The following RBFOX1 variants were observed in gnomAD, a reference collection of about 807,000 sequenced individuals.
RBFOX1 encodes the protein RNA binding protein fox-1 homolog 1.
In RBFOX1, 8 loss-of-function variants were observed where a neutral mutation model predicts 57.7. That is an observed-to-expected ratio of 0.14 (90% CI 0.08 to 0.25). The LOEUF is 0.25. Among genes scored for constraint, RBFOX1 ranks in the 10% least tolerant of loss-of-function variants. The probability of loss-of-function intolerance (pLI) is 1.00; values close to 1 mark genes in which losing one functional copy is unlikely to be tolerated. For synonymous variants in RBFOX1, 326 were observed against 222.4 expected, an observed-to-expected ratio of 1.47 and a Z score of -4.15; for missense variants, 611 against 548.5, an observed-to-expected ratio of 1.11 and a Z score of -1.14.
intron 2 of RBFOX1, among the ~76,000 whole-genome samples, chr16:6,618,580 C>T (rs1232468321): frequency 1.3e-5 from 2 of 152,136 alleles, no homozygotes; most frequent in Non-Finnish European, 2.9e-5. Context: ...ATACTCGTTT[C>T]GAGGAGGAGA....
intron 4 of RBFOX1, among the ~76,000 whole-genome samples, chr16:7,433,824 C>G (rs185996122): frequency 6.6e-6 from 1 of 152,160 alleles, no homozygotes; most frequent in Admixed American, 6.5e-5. Context: ...TCTAAAAATA[C>G]TTATTTAACA....
chr16:6,746,702 T>C (rs138077167), intron 3 of RBFOX1, among the ~76,000 whole-genome samples: 61 of 152,218 alleles, frequency 4.0e-4, no homozygotes, highest in Admixed American at 5.2e-4. Flanking sequence ...AGTGTTGTCT[T>C]ATTAATCCTT....
At chr16:6,476,135 C>T (rs1357059844) in intron 2 of RBFOX1, among the ~76,000 whole-genome samples, 2 of 152,138 alleles carry the variant, frequency 1.3e-5, no homozygotes, top group Admixed American at 1.3e-4. Context: ...AGGGACGCCA[C>T]CCTTTTCTTA....
At position 5,410,022 on chromosome 16, in the gene RBFOX1, T is replaced by G. The variant is rs923206358; in HGVS notation, c.220-57194T>G. 1.5e-4 allele frequency among the ~76,000 whole-genome samples: 22 copies of G among 145,880 alleles called. 1 individual carries two copies. The highest frequency in any genetic ancestry group is 5.6e-4 in the African/African-American group (22 of 39,038). ...GAGATCACGCCAGTGCACTTCAGCC[T>G]GGGTGACAGAGCAAGACTCCATCTC... On this transcript the variant is annotated intron_variant, in intron 1 of 2. Transcript: ENST00000585867.
chr16:5,501,432 C>T (rs968091285), intron 2 of RBFOX1, among the ~76,000 whole-genome samples: 1 of 151,862 alleles, frequency 6.6e-6, no homozygotes, highest in Non-Finnish European at 1.5e-5. Flanking sequence ...ATGCGGACGC[C>T]CTGTCGATCT....
intron 7 of RBFOX1, among the ~76,000 whole-genome samples, chr16:7,591,993 A>C (rs1481335037): frequency 3.3e-5 from 5 of 151,610 alleles, no homozygotes; most frequent in Non-Finnish European, 7.4e-5. Context: ...TTACATTGCA[A>C]CCCTCAGGTG....
intron 2 of RBFOX1, among the ~76,000 whole-genome samples, chr16:6,576,220 G>A (rs8053718): frequency 0.95 from 144,607 of 152,226 alleles, 68,785 homozygotes; most frequent in East Asian, 1. Flanking sequence ...GGTGGAGCCT[G>A]TCGTAGCATC....
chr16:7,563,125 T>G (rs1226408788), intron 5 of RBFOX1, among the ~76,000 whole-genome samples: 1 of 152,198 alleles, frequency 6.6e-6, no homozygotes, highest in Non-Finnish European at 1.5e-5. Context: ...ATTAGAATCC[T>G]CTTGTCTGAG....
At chr16:7,126,903 G>A (rs1245197638) in intron 4 of RBFOX1, among the ~76,000 whole-genome samples, 1 of 151,890 alleles carries the variant, frequency 6.6e-6, no homozygotes, top group Non-Finnish European at 1.5e-5. Context: ...CAGCTACTTG[G>A]GAGGCTGAGG....
At chr16:5,998,278 A>C (rs2060524730) in intron 4 of RBFOX1, among the ~76,000 whole-genome samples, 1 of 152,240 alleles carries the variant, frequency 6.6e-6, no homozygotes, top group Non-Finnish European at 1.5e-5. Context: ...ATAGTCTCTG[A>C]TATTCTCAAC....
chr16:5,903,555 CAG>C (rs1178232017), intron 4 of RBFOX1, among the ~76,000 whole-genome samples: 1 of 152,164 alleles, frequency 6.6e-6, no homozygotes, highest in Admixed American at 6.5e-5. Flanking sequence ...AGGAGACAGG[CAG>C]GGGCCAGCCA....
chr16:5,434,364 C>G (rs974465027), intron 1 of RBFOX1, among the ~76,000 whole-genome samples: 1 of 118,800 alleles, frequency 8.4e-6, no homozygotes, highest in Admixed American at 1.1e-4. Context: ...CTATGTTACC[C>G]AGGCTGGAGT....
intron 3 of RBFOX1, among the ~76,000 whole-genome samples, chr16:5,656,805 G>A (rs2049445535): frequency 6.6e-6 from 1 of 151,942 alleles, no homozygotes; most frequent in Non-Finnish European, 1.5e-5. Context: ...ATCATTGATG[G>A]GCGTTTGGGT....
intron 4 of RBFOX1, among the ~76,000 whole-genome samples, chr16:7,424,201 G>C (rs2098581799): frequency 6.6e-6 from 1 of 151,822 alleles, no homozygotes; most frequent in Non-Finnish European, 1.5e-5. Context: ...TAAAAGAAGT[G>C]CTCAAATAGG....
chr16:5,763,196 C>G (rs1425418928), intron 3 of RBFOX1, among the ~76,000 whole-genome samples: 1 of 152,136 alleles, frequency 6.6e-6, no homozygotes, highest in Non-Finnish European at 1.5e-5. Flanking sequence ...GCCTTCCTTC[C>G]CCGCTGTTGG....
At chr16:7,460,437 AT>A (rs1371684183) in intron 4 of RBFOX1, among the ~76,000 whole-genome samples, 3 of 134,986 alleles carry the variant, frequency 2.2e-5, no homozygotes, top group Non-Finnish European at 4.7e-5. Context: ...ATGTGTGTGT[AT>A]ATATGTATGT....
At chr16:7,472,989 G>C (rs1288679175) in intron 4 of RBFOX1, among the ~76,000 whole-genome samples, 1 of 117,808 alleles carries the variant, frequency 8.5e-6, no homozygotes, top group Non-Finnish European at 2.0e-5. Flanking sequence ...ATGTCAGCAA[G>C]CTCTCCATTC....
At chr16:5,972,094 C>T (rs2059972492) in intron 4 of RBFOX1, among the ~76,000 whole-genome samples, 1 of 152,194 alleles carries the variant, frequency 6.6e-6, no homozygotes, top group African/African-American at 2.4e-5. Flanking sequence ...CACCACCATT[C>T]ATTCTCCTGG....
intron 2 of RBFOX1, among the ~76,000 whole-genome samples, chr16:6,586,054 A>G (rs1279407810): frequency 1.3e-5 from 2 of 152,240 alleles, no homozygotes; most frequent in African/African-American, 4.8e-5. Context: ...AGCTGTATTT[A>G]ATAGTGAAGT....
Sources: gnomAD v4.1 joint callset for allele counts (sites outside exome capture counted in the v4.1 genomes callset) on GRCh38, gnomAD v4.1.1 for gene constraint, MANE v1.5 for transcripts, NCBI Gene and HGNC (gene_info 2026-07-23, HGNC 2026-07-21) for gene names.